Variants in HIPK1 observed in about 807,000 individuals in gnomAD.
The protein encoded by HIPK1 is homeodomain-interacting protein kinase 1.
In HIPK1, 28 loss-of-function variants were observed where a neutral mutation model predicts 117.1. The ratio of observed to expected loss-of-function variants is 0.24; its 90% CI spans 0.18 to 0.33. The LOEUF is 0.33. Among genes scored for constraint, HIPK1 ranks in the 10% least tolerant of loss-of-function variants. The pLI is 1.00. For missense variants in HIPK1, 1,122 were observed against 1,475.1 expected (o/e 0.76, Z 3.92); for synonymous variants, 605 against 562.5 (o/e 1.08, Z -1.07).
chr1:113,956,067 A>ATTTTT (rs755763487), intron 5 of HIPK1, among the ~76,000 whole-genome samples: 11 of 91,822 alleles, frequency 1.2e-4, no homozygotes, highest in East Asian at 3.3e-4. Flanking sequence ...TACTTGTTCC[A>ATTTTT]TTTTTTTTTT....
intron 2 of HIPK1, among the ~76,000 whole-genome samples, chr1:113,948,386 G>A (rs966529956): frequency 1.3e-5 from 2 of 152,054 alleles, no homozygotes; most frequent in Admixed American, 6.6e-5. Context: ...TGAGTAGCTA[G>A]AACTGCAGGC....
intron 8 of HIPK1, 83 bp from the exon 9 acceptor site, chr1:113,962,234 C>A (rs2101412423): frequency 1.4e-6 from 2 of 1,392,684 alleles, no homozygotes; most frequent in South Asian, 1.3e-5. Flanking sequence ...ATTATTTGAA[C>A]AGAGAAGCTG....
At chr1:113,956,432 G>T (rs1469194134) in intron 5 of HIPK1, among the ~76,000 whole-genome samples, 195 bp from the exon 6 acceptor site, 1 of 152,092 alleles carries the variant, frequency 6.6e-6, no homozygotes, top group Non-Finnish European at 1.5e-5. Flanking sequence ...ACTCAATTTA[G>T]ATGAAGATTT....
At chr1:113,945,393 T>G (rs1410838836) in intron 2 of HIPK1, among the ~76,000 whole-genome samples, 1 of 152,218 alleles carries the variant, frequency 6.6e-6, no homozygotes, top group East Asian at 1.9e-4. Flanking sequence ...TGGTGACATA[T>G]CCAAGAAGTC....
At chr1:113,931,638 A>T (rs1293064004) in intron 1 of HIPK1, among the ~76,000 whole-genome samples, 1 of 152,190 alleles carries the variant, frequency 6.6e-6, no homozygotes, top group Non-Finnish European at 1.5e-5. Flanking sequence ...TCCTTCTAAA[A>T]GAAAAAAAAA....
At chr1:113,933,208 A>G in intron 1 of HIPK1, 1 of 985,060 alleles carries the variant, frequency 1.0e-6, no homozygotes, top group Non-Finnish European at 1.2e-6. Flanking sequence ...ACACTGAAGA[A>G]GTGAGCTTTA....
Position 113,952,762 on chromosome 1 carries a change from C to A in HIPK1, c.1077-4C>A. ...TTTAATCTGATATTTTTTGTTTTTG[C>A]TAGAGCTCCTGAAATTATTCTTGGG... On this transcript the variant is annotated splice_polypyrimidine_tract_variant and splice_region_variant and intron_variant, in intron 2 of 15. Transcript: ENST00000426820. 1.4e-6 allele frequency: 2 copies of A among 1,439,420 alleles called. No individual in the cohort carries two copies. The highest frequency in any genetic ancestry group is 2.6e-5 in the Admixed American group (1 of 38,694). 89.2% of individuals were successfully genotyped at this position (1,439,420 alleles called of 1,614,324 possible). A position where few individuals can be genotyped will look rare whatever the true frequency, so the allele number is the denominator to read the frequency against.
At position 113,939,325 on chromosome 1, in the gene HIPK1, C is replaced by A. The variant is rs1426948747; in HGVS notation, c.-2-1057C>A. On this transcript the variant is annotated intron_variant, in intron 1 of 15. Coordinates refer to ENST00000426820, the MANE Select transcript of HIPK1 (RefSeq NM_198268.3). ...CACCATGCCTGGCTAACTTTTTTTT[C>A]TGTTTTTTTTTTTTTTTGTTGTTGT... is the stretch of plus-strand genomic sequence containing the variant. Among the ~76,000 whole-genome samples, 4 of 129,730 alleles carry A rather than the reference C, an allele frequency of 3.1e-5. No individual in the cohort carries two copies. In the East Asian group the frequency reaches 1.1e-3, roughly 37 times the overall value. The allele number at this position is 129,730 out of a possible 152,430, so 85.1% of individuals were successfully genotyped here.
intron 1 of HIPK1, among the ~76,000 whole-genome samples, chr1:113,939,625 G>A (rs1418803501): frequency 1.3e-5 from 2 of 152,060 alleles, no homozygotes; most frequent in African/African-American, 4.8e-5. Flanking sequence ...GTCTTTTGAA[G>A]ATGACTAATT....
rs1670626851 is a variant in HIPK1 at position 113,941,378 on chromosome 1, G to A, written c.995G>A (p.Arg332Gln). ...GTTGATCCAGTTCGCCAGCCCTACC[G>A]AGTGAAGGTCATTGACTTTGGTTCT... ...MLVDPVRQPY[R>Q]VKVIDFGSAS... is the part of the protein sequence containing the mutation. The change falls in exon 2 of 16, where the codon CGA (arginine) becomes CAA (glutamine). Residue 332 changes from arginine (R) to glutamine (Q), a missense_variant. Physicochemically the swap from Arg to Gln is conservative, Grantham distance 43 (BLOSUM62 1). Around this residue, in one of 6 missense-constraint regions of HIPK1, gnomAD observed 8 missense variants for 41.5 expected, o/e 0.19. Transcript: ENST00000426820. The surrounding 1 kb of genome is among the most constrained non-coding windows in gnomAD (Gnocchi z 4.9). 2 of 1,614,176 alleles carry A rather than the reference G, an allele frequency of 1.2e-6. No homozygotes were observed. Among genetic ancestry groups the A allele is most frequent in the Non-Finnish European group, 1.7e-6 (2 of 1,180,032 alleles).
chr1:113,949,648 G>A (rs1397993351), intron 2 of HIPK1, among the ~76,000 whole-genome samples: 1 of 149,742 alleles, frequency 6.7e-6, no homozygotes, highest in African/African-American at 2.5e-5. Context: ...ACCCAGGCTG[G>A]AGTGCAGTGG....
At chr1:113,933,356 A>G in intron 1 of HIPK1, 1 of 193,240 alleles carries the variant, frequency 5.2e-6, no homozygotes, top group Non-Finnish European at 9.5e-6. Flanking sequence ...GAGACTTGGT[A>G]GTATTGGAAG....
In HIPK1 at chr1:113,929,500, C is replaced by CT. The variant is rs1056702162; in HGVS notation, c.-34dup. ...CTGCAATCAGTACTATGCGATCGTC[C>CT]TAGAGAGTCCATTCAGCTGCACTTC... On this transcript the variant is annotated 5_prime_UTR_variant, in exon 1 of 16. It removes the in-frame stop codon of an upstream open reading frame in the 5' UTR. Coordinates refer to ENST00000426820, the MANE Select transcript of HIPK1 (RefSeq NM_198268.3). 1.6e-6 allele frequency: 2 copies of CT among 1,289,190 alleles called. No homozygotes were observed. Among genetic ancestry groups the CT allele is most frequent in the Admixed American group, 2.3e-5 (1 of 43,544 alleles). The allele number at this position is 1,289,190 out of a possible 1,614,324, so 79.9% of individuals were successfully genotyped here.
intron 2 of HIPK1, among the ~76,000 whole-genome samples, chr1:113,943,780 C>G (rs1317105809): frequency 6.6e-6 from 1 of 152,178 alleles, no homozygotes; most frequent in Non-Finnish European, 1.5e-5. Context: ...TCCACATTTT[C>G]TCTAACATTT....
intron 15 of HIPK1, 73 bp downstream of exon 15, chr1:113,972,027 G>C (rs1400900010): frequency 6.2e-7 from 1 of 1,613,006 alleles, no homozygotes; most frequent in East Asian, 2.2e-5. Flanking sequence ...CCTGCTTCTG[G>C]CTGGATGCTG....
intron 1 of HIPK1, among the ~76,000 whole-genome samples, chr1:113,937,483 A>C (rs1670329797): frequency 6.6e-6 from 1 of 152,118 alleles, no homozygotes; most frequent in African/African-American, 2.4e-5. Context: ...AAAATCAAGG[A>C]TCGAGCATTT....
At chr1:113,938,929 TAC>T (rs55979020) in intron 1 of HIPK1, among the ~76,000 whole-genome samples, 22,961 of 114,868 alleles carry the variant, frequency 0.2, 2,461 homozygotes, top group South Asian at 0.32. Flanking sequence ...AAAAAAAAAA[TAC>T]ACACACACAC....
intron 12 of HIPK1, 116 bp downstream of exon 12, chr1:113,968,064 A>G: frequency 1.2e-6 from 1 of 869,216 alleles, no homozygotes; most frequent in Non-Finnish European, 1.7e-6. Context: ...AGTAGCTGCC[A>G]AATTGAGGAA....
chr1:113,954,810 C>T, intron 4 of HIPK1, 40 bp downstream of exon 4: 2 of 1,524,056 alleles, frequency 1.3e-6, no homozygotes, highest in Non-Finnish European at 1.8e-6. Flanking sequence ...CTGTACTCCA[C>T]CCCTCACTCC....
Sources: gnomAD v4.1 joint callset for allele counts (sites outside exome capture counted in the v4.1 genomes callset) on GRCh38, gnomAD v4.1.1 for gene constraint, gnomAD v4.1.1 regional missense constraint, Gnocchi (gnomAD v3.1) non-coding constraint, MANE v1.5 for transcripts, NCBI Gene and HGNC (gene_info 2026-07-23, HGNC 2026-07-21) for gene names.